Variants in COLEC11 observed in about 807,000 individuals in gnomAD.
COLEC11 encodes the protein collectin subfamily member 11.
COLEC11 carries 20 observed loss-of-function variants against 27.3 expected under a neutral mutation model. The ratio of observed to expected loss-of-function variants is 0.73; its 90% confidence interval spans 0.51 to 1.06. COLEC11 has a LOEUF of 1.06. Among genes scored for constraint, COLEC11 ranks in the 50% least tolerant of loss-of-function variants. The pLI is 0.00. For synonymous variants in COLEC11, 163 were observed against 154.7 expected, an observed-to-expected ratio of 1.05 and a Z score of -0.40; for missense variants, 310 against 383.0, an observed-to-expected ratio of 0.81 and a Z score of 1.59.
chr2:3,609,092 G>A (rs1198161732), intron 2 of COLEC11, among the ~76,000 whole-genome samples: 1 of 152,216 alleles, frequency 6.6e-6, no homozygotes, highest in Non-Finnish European at 1.5e-5. Context: ...AATGCGCCTG[G>A]CCCTGTACAA....
rs1481826655 is a variant in COLEC11, at chr2:3,602,496, A to C, written c.-26-1819A>C. ...AGCAAAACCTGTCAGCTTTGCTTCC[A>C]GACTGCATCCCATACCTCTGTCATC... On this transcript the variant is annotated intron_variant, in intron 1 of 6. Transcript: ENST00000349077. This position sits in a 1 kb window ranked among gnomAD's most constrained non-coding sequence, Gnocchi z 6.2. Among the ~76,000 whole-genome samples, 1 of 152,076 alleles carries C rather than the reference A, an allele frequency of 6.6e-6. No individual in the cohort carries two copies. The highest frequency in any genetic ancestry group is 1.9e-4 in the East Asian group (1 of 5,180).
rs1164931727 is a variant in COLEC11, at chr2:3,606,231, T to C, written c.130+1761T>C. 2.6e-6 allele frequency: 4 copies of C among 1,550,284 alleles called. No individual in the cohort carries two copies. In the East Asian group the frequency reaches 9.8e-5, roughly 38 times the overall value. On this transcript the variant is annotated intron_variant, in intron 2 of 6. Transcript: ENST00000349077. ...TCCGAGTCCCTACGGTTGTCTTCCC[T>C]GCGCCCTGCCAGGTCAGTAGCCTGC... is the stretch of plus-strand genomic sequence containing the variant.
At position 3,628,087 on chromosome 2, in the gene COLEC11, G is replaced by A. The variant is rs563664995; in HGVS notation, c.203-9446G>A. Reference sequence around the variant, plus strand: ...TCTGCAGATCCGCTCTCATCCTTGCGTCTTCAGGTCCTAGCATGAGACCTG... The same window carrying A: ...TCTGCAGATCCGCTCTCATCCTTGCATCTTCAGGTCCTAGCATGAGACCTG... On this transcript the variant is annotated intron_variant, in intron 3 of 6. Transcript: ENST00000349077. Among the ~76,000 whole-genome samples the A allele has an allele frequency of 3.9e-5, 6 of 152,354 alleles. No individual in the cohort carries two copies. In the East Asian group the frequency reaches 7.7e-4, roughly 20 times the overall value.
At chr2:3,598,061 G>A (rs976563656) in intron 1 of COLEC11, among the ~76,000 whole-genome samples, 11 of 151,898 alleles carry the variant, frequency 7.2e-5, no homozygotes, top group African/African-American at 9.7e-5. Context: ...TCAGCCTCCC[G>A]AGTCACTGGA....
intron 4 of COLEC11, among the ~76,000 whole-genome samples, chr2:3,639,224 T>G (rs1258449444): frequency 2.0e-5 from 3 of 152,252 alleles, no homozygotes; most frequent in Middle Eastern, 3.2e-3. Flanking sequence ...ACATGGGTTC[T>G]TTCCACCTGT....
At position 3,604,393 on chromosome 2, in the gene COLEC11, C is replaced by T. The variant is rs1419097482; in HGVS notation, c.53C>T (p.Ser18Leu). Residue 18 changes from serine to leucine, a missense_variant, in exon 2 of 7, where the codon TCA becomes TTA. Transcript: ENST00000349077. ...VGVLISLAFL[S>L]LLPSGHPQPA... ...GTTCTAATCAGCCTGGCCTTCCTGT[C>T]ACTGCTGCCATCTGGACATCCTCAG... 3.7e-6 allele frequency: 6 copies of T among 1,614,116 alleles called. No individual in the cohort carries two copies. Among genetic ancestry groups the T allele is most frequent in the Non-Finnish European group, 5.1e-6 (6 of 1,180,044 alleles).
chr2:3,637,398 C>T, intron 3 of COLEC11, 135 bp from the exon 4 acceptor site: 1 of 734,754 alleles, frequency 1.4e-6, no homozygotes, highest in Non-Finnish European at 2.5e-6. Context: ...AGATGTAGAG[C>T]TGTCTTTCTT....
At chr2:3,601,326 G>A (rs1572381949) in intron 1 of COLEC11, among the ~76,000 whole-genome samples, 1 of 151,828 alleles carries the variant, frequency 6.6e-6, no homozygotes, top group Non-Finnish European at 1.5e-5. Context: ...TTTGAGACAG[G>A]GTCTCACTCT....
Position 3,615,614 on chromosome 2 carries a change from G to A in COLEC11, c.202+2232G>A, listed in dbSNP as rs371693748. ...TCCCCCTTTTCTATTTGACAAAACC[G>A]CCATCGTCATCATGGCCCATTCTCA... On this transcript the variant is annotated intron_variant, in intron 3 of 6. Coordinates refer to ENST00000349077, the MANE Select transcript of COLEC11 (RefSeq NM_024027.5). Among the ~76,000 whole-genome samples, 55 of 152,294 alleles carry A rather than the reference G, an allele frequency of 3.6e-4. No individual in the cohort carries two copies. In the East Asian group the frequency reaches 8.3e-3, roughly 23 times the overall value.
chr2:3,626,940 C>T (rs896064024), intron 3 of COLEC11, among the ~76,000 whole-genome samples: 6 of 152,210 alleles, frequency 3.9e-5, no homozygotes, highest in African/African-American at 1.4e-4. Flanking sequence ...CCTCCACACC[C>T]TCCCTGGAGT....
At chr2:3,613,208 A>G (rs1466450229) in intron 2 of COLEC11, 103 bp from the exon 3 acceptor site, 3 of 1,299,562 alleles carry the variant, frequency 2.3e-6, no homozygotes, top group Non-Finnish European at 3.3e-6. Flanking sequence ...GGCCACCTGC[A>G]GGGACCCGGG....
chr2:3,606,692 C>A (rs905181664), intron 2 of COLEC11, among the ~76,000 whole-genome samples: 1 of 152,310 alleles, frequency 6.6e-6, no homozygotes, highest in Middle Eastern at 3.4e-3. Flanking sequence ...GCACGTGCCC[C>A]GCGAGTCCGC....
intron 1 of COLEC11, among the ~76,000 whole-genome samples, chr2:3,601,600 T>C (rs1662223779): frequency 6.6e-6 from 1 of 152,210 alleles, no homozygotes; most frequent in Non-Finnish European, 1.5e-5. Context: ...TTGTGCTTTA[T>C]AGTACCTTTT....
chr2:3,609,352 A>ATTTT (rs567474674), intron 2 of COLEC11, among the ~76,000 whole-genome samples: 3 of 87,492 alleles, frequency 3.4e-5, no homozygotes, highest in East Asian at 6.1e-4. Context: ...TTTTTCTTTG[A>ATTTT]TTTTTTTTTT....
chr2:3,620,378 T>C (rs1346239513), intron 3 of COLEC11, among the ~76,000 whole-genome samples: 1 of 152,188 alleles, frequency 6.6e-6, no homozygotes, highest in Non-Finnish European at 1.5e-5. Context: ...ACCCTTCATA[T>C]TTCTGTGGTA....
intron 3 of COLEC11, among the ~76,000 whole-genome samples, chr2:3,637,163 G>A (rs1665478246): frequency 6.6e-6 from 1 of 152,218 alleles, no homozygotes; most frequent in African/African-American, 2.4e-5. Context: ...GTGGGGTGCA[G>A]GAGTAGGAGC....
At chr2:3,609,200 CTCT>C (rs761847501) in intron 2 of COLEC11, among the ~76,000 whole-genome samples, 2 of 152,190 alleles carry the variant, frequency 1.3e-5, no homozygotes, top group Non-Finnish European at 2.9e-5. Flanking sequence ...GTGTTAAATC[CTCT>C]TCTTTAGAAA....
In COLEC11 at chr2:3,604,449, A is replaced by T. The variant is rs1264751105; in HGVS notation, c.109A>T (p.Ile37Phe). The change falls in exon 2 of 7, where the codon ATC (isoleucine) becomes TTC (phenylalanine). Residue 37 changes from isoleucine to phenylalanine, a missense_variant. By Grantham distance (21) the Ile-to-Phe change is conservative. Coordinates refer to ENST00000349077, the MANE Select transcript of COLEC11 (RefSeq NM_024027.5). ...TGGCGATGACGCCTGCTCTGTGCAG[A>T]TCCTCGTCCCTGGCCTCAAAGGTAA... Reference protein sequence around the residue: ...PAGDDACSVQILVPGLKGDAG... With the variant: ...PAGDDACSVQFLVPGLKGDAG... The T allele has an allele frequency of 1.2e-6, 2 of 1,614,070 alleles. No homozygotes were observed. The highest frequency in any genetic ancestry group is 4.5e-5 in the East Asian group (2 of 44,860).
At chr2:3,623,627 A>T in intron 3 of COLEC11, among the ~76,000 whole-genome samples, 1 of 150,890 alleles carries the variant, frequency 6.6e-6, no homozygotes, top group Middle Eastern at 3.4e-3. Flanking sequence ...TCTGTTCTTC[A>T]GCTTTAGAGT....
Sources: gnomAD v4.1 joint callset for allele counts (sites outside exome capture counted in the v4.1 genomes callset) on GRCh38, gnomAD v4.1.1 for gene constraint, Gnocchi (gnomAD v3.1) non-coding constraint, MANE v1.5 for transcripts, NCBI Gene and HGNC (gene_info 2026-07-23, HGNC 2026-07-21) for gene names.